Variants in C17orf99 observed in about 807,000 individuals in gnomAD.
C17orf99 encodes the protein protein IL-40.
C17orf99 carries 18 observed loss-of-function variants against 22.6 expected under a neutral mutation model. The ratio of observed to expected loss-of-function variants is 0.80; its 90% CI spans 0.55 to 1.18. C17orf99 has a LOEUF of 1.18. Among genes scored for constraint, C17orf99 ranks in the 50% most tolerant of loss-of-function variants. The pLI, the probability that C17orf99 is intolerant of heterozygous loss-of-function variation, is 0.00. For synonymous variants in C17orf99, 147 were observed against 136.6 expected, an observed-to-expected ratio of 1.08 and a Z score of -0.53; for missense variants, 328 against 342.7, an observed-to-expected ratio of 0.96 and a Z score of 0.34.
chr17:78,150,831 G>A (rs1271451217), intron 2 of C17orf99, among the ~76,000 whole-genome samples: 1 of 152,082 alleles, frequency 6.6e-6, no homozygotes, highest in Non-Finnish European at 1.5e-5. Flanking sequence ...CACTCCAAAC[G>A]GCACAGAGGA....
intron 2 of C17orf99, among the ~76,000 whole-genome samples, chr17:78,150,391 T>C (rs916343625): frequency 6.6e-6 from 1 of 152,126 alleles, no homozygotes; most frequent in African/African-American, 2.4e-5. Flanking sequence ...CAATCCTCCC[T>C]CTTTAGCCTC....
At chr17:78,165,862 G>A in intron 4 of C17orf99, 27 bp from the exon 5 acceptor site, 1 of 1,298,984 alleles carries the variant, frequency 7.7e-7, no homozygotes, top group South Asian at 2.6e-5. Context: ...GAGCCTGCCT[G>A]ACTTGAGTCT....
intron 2 of C17orf99, chr17:78,158,918 A>G (rs2075550489): frequency 6.2e-6 from 1 of 162,516 alleles, no homozygotes. Context: ...AGCCCTGAGC[A>G]CCACCCCAAA....
chr17:78,153,432 C>T (rs1053894359), intron 2 of C17orf99, among the ~76,000 whole-genome samples: 1 of 152,014 alleles, frequency 6.6e-6, no homozygotes, highest in Non-Finnish European at 1.5e-5. Context: ...TTGCAGTGAA[C>T]CAAGATCGTG....
intron 3 of C17orf99, 116 bp from the exon 4 acceptor site, chr17:78,163,979 G>C: frequency 2.2e-6 from 2 of 892,168 alleles, no homozygotes; most frequent in South Asian, 1.5e-5. Context: ...GCGGCCTGGA[G>C]GAGGCGGCAG....
In C17orf99 at chr17:78,161,272, C is replaced by T. The variant is rs531422656; in HGVS notation, c.370+18C>T. 1.3e-6 allele frequency: 2 copies of T among 1,547,362 alleles called. No individual in the cohort carries two copies. Among genetic ancestry groups the T allele is most frequent in the African/African-American group, 1.4e-5 (1 of 73,074 alleles). ...GTGGTCCAGTGAGTGCGGTGGGGGG[C>T]ACAGGGCTGAGGAGGCAGGTGGGGT... On this transcript the variant is annotated intron_variant, in intron 3 of 4. Transcript: ENST00000340363.
In C17orf99 at chr17:78,154,300, G is replaced by GCA. The variant is rs536314841; in HGVS notation, c.71-6653_71-6652dup. Among the ~76,000 whole-genome samples, 153 of 152,028 alleles carry GCA rather than the reference G, an allele frequency of 1.0e-3. 1 individual carries two copies. Among genetic ancestry groups the GCA allele is most frequent in the African/African-American group, 3.4e-3 (141 of 41,498 alleles). On this transcript the variant is annotated intron_variant, in intron 2 of 4. Coordinates refer to ENST00000340363, the MANE Select transcript of C17orf99 (RefSeq NM_001163075.2). Reference sequence around the variant, plus strand: ...GCAGTGGCTCATGCCTGTAATCCCAGCACTTTGGGAGGCCAAGGTGGGTGG... The same window carrying GCA: ...GCAGTGGCTCATGCCTGTAATCCCAGCACACTTTGGGAGGCCAAGGTGGGTGG...
chr17:78,160,869 AC>A (rs2075569366), intron 2 of C17orf99, 85 bp from the exon 3 acceptor site: 1 of 1,150,142 alleles, frequency 8.7e-7, no homozygotes. Flanking sequence ...GGTGTTTGCC[AC>A]CGAGCCTGGC....
chr17:78,156,351 AAAAG>A (rs1427790528), intron 2 of C17orf99, among the ~76,000 whole-genome samples: 23 of 151,474 alleles, frequency 1.5e-4, no homozygotes, highest in Non-Finnish European at 2.4e-4. Flanking sequence ...AAAAAAAAAA[AAAAG>A]AATCAGCAAA....
intron 3 of C17orf99, among the ~76,000 whole-genome samples, chr17:78,163,435 C>A (rs905135709): frequency 1.3e-5 from 2 of 152,074 alleles, no homozygotes; most frequent in African/African-American, 4.8e-5. Context: ...GTAAAAAAGA[C>A]GAGACTGAAT....
chr17:78,163,315 G>A (rs938006407), intron 3 of C17orf99, among the ~76,000 whole-genome samples: 1 of 152,202 alleles, frequency 6.6e-6, no homozygotes, highest in African/African-American at 2.4e-5. Context: ...GGTGGCAAGT[G>A]TGGTGGTGAT....
chr17:78,161,236 C>A lies in C17orf99; in HGVS notation c.352C>A (p.His118Asn). Residue 118 changes from histidine to asparagine, a missense_variant, in exon 3 of 5, where the codon CAC (histidine) becomes AAC (asparagine). Physicochemically the swap from His to Asn is moderately conservative, Grantham distance 68. Transcript: ENST00000340363. ...TGTGGACAGTGCCAGGCTACAGATGCACTGGGAGCTGTGGTCCAGTGAGTG... is the reference window on the plus strand; with the variant it reads ...TGTGGACAGTGCCAGGCTACAGATGAACTGGGAGCTGTGGTCCAGTGAGTG... ...AHVDSARLQM[H>N]WELWSKPVSE... 6.4e-7 allele frequency: 1 copy of A among 1,551,662 alleles called. No homozygotes were observed. Among genetic ancestry groups the A allele is most frequent in the Non-Finnish European group, 8.7e-7 (1 of 1,146,904 alleles).
upstream of C17orf99, chr17:78,146,333 G>A: frequency 4.3e-6 from 6 of 1,386,356 alleles, no homozygotes; most frequent in Non-Finnish European, 5.9e-6. This position sits in a 1 kb window ranked among gnomAD's most constrained non-coding sequence, Gnocchi z 5.2. Flanking sequence ...GAGCATCCCA[G>A]GGGCCTCAGG....
chr17:78,150,299 G>T (rs1012145110), intron 2 of C17orf99, among the ~76,000 whole-genome samples: 2 of 152,136 alleles, frequency 1.3e-5, no homozygotes, highest in African/African-American at 4.8e-5. Flanking sequence ...GAGCCACCCT[G>T]CCTGGCCTAA....
Position 78,146,457 on chromosome 17 carries a change from G to A in C17orf99, c.37+13G>A, listed in dbSNP as rs1397420144. ...TTGGCCGTGCTGGGTGAGTCCACCA[G>A]GGACGTGATGGTGGGGCTGCTGCTG... On this transcript the variant is annotated intron_variant, in intron 1 of 4. Transcript: ENST00000340363. The surrounding 1 kb of genome is among the most constrained non-coding windows in gnomAD (Gnocchi z 5.2). 1.3e-6 allele frequency: 2 copies of A among 1,549,398 alleles called. No homozygotes were observed. The highest frequency in any genetic ancestry group is 4.9e-5 in the East Asian group (2 of 40,894).
chr17:78,156,914 C>T (rs1160556835), intron 2 of C17orf99, among the ~76,000 whole-genome samples: 1 of 141,912 alleles, frequency 7.0e-6, no homozygotes, highest in Non-Finnish European at 1.6e-5. Context: ...CGTGCCTGGA[C>T]ACATTTTGTT....
At chr17:78,165,204 G>T (rs1435719320) in intron 4 of C17orf99, 2 of 991,914 alleles carry the variant, frequency 2.0e-6, no homozygotes, top group Admixed American at 1.2e-4. Context: ...TGGCTTTGGT[G>T]GTGGCCAGCC....
At chr17:78,159,945 C>T in intron 2 of C17orf99, 1 of 416,306 alleles carries the variant, frequency 2.4e-6, no homozygotes, top group Non-Finnish European at 4.8e-6. Context: ...GGATCAACCA[C>T]ATTCTATTTA....
At chr17:78,145,835 G>C (rs1439506491), upstream of C17orf99, among the ~76,000 whole-genome samples, 2 of 132,060 alleles carry the variant, frequency 1.5e-5, no homozygotes, top group African/African-American at 5.8e-5. Context: ...TCACTCTGTT[G>C]CCCAGGCTGG....
Sources: allele counts gnomAD v4.1 joint callset (sites outside exome capture counted in the v4.1 genomes callset), GRCh38; gene constraint gnomAD v4.1.1; non-coding constraint Gnocchi (gnomAD v3.1); transcripts MANE v1.5; gene names NCBI Gene and HGNC (gene_info 2026-07-23, HGNC 2026-07-21).